The following CABCOCO1 variants were observed in gnomAD, a reference collection of about 807,000 sequenced individuals.
CABCOCO1 encodes the protein ciliary associated calcium binding coiled-coil 1.
A neutral mutation model predicts 35.7 loss-of-function variants in CABCOCO1; 28 were observed. The ratio of observed to expected loss-of-function variants is 0.78; its 90% CI spans 0.58 to 1.07. The LOEUF (loss-of-function observed/expected upper bound fraction) is 1.07, where lower values mean the gene tolerates loss of function less well. CABCOCO1 is among the 50% of genes least tolerant of loss of function. CABCOCO1 has a pLI of 0.00. For missense variants in CABCOCO1, 326 were observed against 309.2 expected (o/e 1.05, Z -0.41); for synonymous variants, 95 against 100.1 (o/e 0.95, Z 0.30).
intron 5 of CABCOCO1, among the ~76,000 whole-genome samples, chr10:61,722,998 A>G (rs1039915372): frequency 2.0e-5 from 3 of 152,220 alleles, no homozygotes; most frequent in Non-Finnish European, 4.4e-5. Context: ...CACATTTTTT[A>G]TAAATGAAAA....
At chr10:61,694,852 T>C (rs1436748878) in intron 5 of CABCOCO1, among the ~76,000 whole-genome samples, 1 of 152,084 alleles carries the variant, frequency 6.6e-6, no homozygotes, top group Non-Finnish European at 1.5e-5. Flanking sequence ...GCATGTTGGG[T>C]CTGCACAAGA....
At chr10:61,682,627 G>A (rs1839829272) in intron 3 of CABCOCO1, among the ~76,000 whole-genome samples, 1 of 152,070 alleles carries the variant, frequency 6.6e-6, no homozygotes, top group South Asian at 2.1e-4. Context: ...GCAAATTCAG[G>A]TAACATTTAT....
At chr10:61,736,108 T>C (rs554080356) in intron 5 of CABCOCO1, among the ~76,000 whole-genome samples, 20 of 152,170 alleles carry the variant, frequency 1.3e-4, no homozygotes, top group African/African-American at 2.7e-4. Flanking sequence ...ATTCTGTAGA[T>C]TGTATGTTTA....
At chr10:61,693,676 A>G (rs1374182122) in intron 5 of CABCOCO1, among the ~76,000 whole-genome samples, 1 of 152,056 alleles carries the variant, frequency 6.6e-6, no homozygotes, top group East Asian at 1.9e-4. Flanking sequence ...ACAAAACCCC[A>G]TATATATTGC....
At chr10:61,720,931 T>TTTTTTTTG (rs1840996086) in intron 5 of CABCOCO1, among the ~76,000 whole-genome samples, 1 of 124,006 alleles carries the variant, frequency 8.1e-6, no homozygotes, top group African/African-American at 2.8e-5. Flanking sequence ...TTTTTTTTTT[T>TTTTTTTTG]TTTTTTTTTT....
intron 1 of CABCOCO1, among the ~76,000 whole-genome samples, chr10:61,663,875 A>G (rs547355112): frequency 1.3e-4 from 20 of 152,070 alleles, no homozygotes; most frequent in Non-Finnish European, 2.8e-4. Context: ...GATTGTTCCT[A>G]GGAAGTTTTT....
rs1259857577 is a variant in CABCOCO1, at chr10:61,760,054, A to G, written c.553-5A>G. 1.9e-5 allele frequency: 30 copies of G among 1,612,082 alleles called. No individual in the cohort carries two copies. The highest frequency in any genetic ancestry group is 2.5e-5 in the Non-Finnish European group (30 of 1,178,964). ...GTCATAATTCAACTTTTTTCTTCCC[A>G]TCAGCAAGTGATAGAGGTTGTCAAG... On this transcript the variant is annotated splice_polypyrimidine_tract_variant and splice_region_variant and intron_variant, in intron 5 of 7. Transcript: ENST00000648843.
At position 61,674,871 on chromosome 10, in the gene CABCOCO1, A is replaced by C. The variant is rs137949561; in HGVS notation, c.164+2136A>C. The stretch of plus-strand genomic sequence containing the variant: ...AATGTAACCTTGACTTTATTTATAG[A>C]TCCATCTCAATTTTTTTTAAAAAAG... On this transcript the variant is annotated intron_variant, in intron 2 of 7. Transcript: ENST00000648843. Among the ~76,000 whole-genome samples, 377 of 152,262 alleles carry C rather than the reference A, an allele frequency of 2.5e-3. 2 individuals carry two copies. Among genetic ancestry groups the C allele is most frequent in the Non-Finnish European group, 3.9e-3 (263 of 68,018 alleles).
chr10:61,736,444 T>C (rs1032895598), intron 5 of CABCOCO1, among the ~76,000 whole-genome samples: 2 of 152,128 alleles, frequency 1.3e-5, no homozygotes, highest in Non-Finnish European at 2.9e-5. Flanking sequence ...AAAGATCAGA[T>C]GGTCATAGAT....
chr10:61,677,124 A>G (rs924517508), intron 2 of CABCOCO1, among the ~76,000 whole-genome samples: 1 of 149,958 alleles, frequency 6.7e-6, no homozygotes, highest in Non-Finnish European at 1.5e-5. Context: ...AGATGTTAAG[A>G]TTATGGACAA....
intron 5 of CABCOCO1, among the ~76,000 whole-genome samples, chr10:61,708,420 G>C (rs930817588): frequency 1.3e-5 from 2 of 151,834 alleles, no homozygotes; most frequent in African/African-American, 4.8e-5. Context: ...TTTTCCATTC[G>C]GGCTGCTATA....
intron 5 of CABCOCO1, among the ~76,000 whole-genome samples, chr10:61,734,334 G>A (rs981081404): frequency 1.1e-4 from 16 of 151,872 alleles, no homozygotes; most frequent in Non-Finnish European, 2.1e-4. Flanking sequence ...ATTTCCTTTT[G>A]CATTTCCTCT....
intron 5 of CABCOCO1, among the ~76,000 whole-genome samples, chr10:61,727,728 T>C (rs1306782691): frequency 1.3e-5 from 2 of 152,208 alleles, no homozygotes; most frequent in African/African-American, 4.8e-5. Flanking sequence ...TTTTGCAAAT[T>C]ATCGGCATGA....
intron 5 of CABCOCO1, among the ~76,000 whole-genome samples, chr10:61,717,456 CTAA>C (rs1840895005): frequency 1.3e-5 from 2 of 148,856 alleles, no homozygotes; most frequent in Non-Finnish European, 3.0e-5. Context: ...AAAGAAAAGC[CTAA>C]TAATGACTTA....
chr10:61,703,931 G>T (rs1840530338), intron 5 of CABCOCO1, among the ~76,000 whole-genome samples: 1 of 152,136 alleles, frequency 6.6e-6, no homozygotes, highest in South Asian at 2.1e-4. Flanking sequence ...ATGTGCAAAG[G>T]TCAGGCGCAG....
At chr10:61,687,220 T>C (rs1839991802) in intron 4 of CABCOCO1, among the ~76,000 whole-genome samples, 1 of 152,238 alleles carries the variant, frequency 6.6e-6, no homozygotes, top group Non-Finnish European at 1.5e-5. Context: ...GGTTTCTTAA[T>C]ATTAAAACGT....
chr10:61,680,398 T>TATATATAACATATATAATATATATTTA (rs1839682773), intron 2 of CABCOCO1, among the ~76,000 whole-genome samples: 1 of 133,212 alleles, frequency 7.5e-6, no homozygotes, highest in African/African-American at 2.8e-5. Context: ...ATATATATTT[T>TATATATAACATATATAATATATATTTA]TATATATAAC....
chr10:61,764,282 T>C (rs753197922), intron 7 of CABCOCO1, among the ~76,000 whole-genome samples: 4 of 152,146 alleles, frequency 2.6e-5, no homozygotes, highest in Non-Finnish European at 5.9e-5. Flanking sequence ...GGTAAAATTA[T>C]TTCAAACCAT....
intron 5 of CABCOCO1, among the ~76,000 whole-genome samples, chr10:61,756,630 A>C (rs975568984): frequency 2.0e-5 from 3 of 152,090 alleles, no homozygotes; most frequent in African/African-American, 7.2e-5. Flanking sequence ...TTTGAAAGTC[A>C]AGCAAAACCA....
Sources: gnomAD v4.1 joint callset for allele counts (sites outside exome capture counted in the v4.1 genomes callset) on GRCh38, gnomAD v4.1.1 for gene constraint, MANE v1.5 for transcripts, NCBI Gene and HGNC (gene_info 2026-07-23, HGNC 2026-07-21) for gene names.